JAKMIP1: variants seen among roughly 807,000 people sequenced by gnomAD.
The protein encoded by JAKMIP1 is janus kinase and microtubule interacting protein 1.
In JAKMIP1, 33 loss-of-function variants were observed where a neutral mutation model predicts 113.0. That is an observed-to-expected ratio of 0.29 (90% CI 0.22 to 0.39). The LOEUF (loss-of-function observed/expected upper bound fraction) is 0.39. Among genes scored for constraint, JAKMIP1 ranks in the 10% least tolerant of loss-of-function variants. JAKMIP1 has a pLI of 1.00. For missense variants in JAKMIP1, 813 were observed against 1,080.5 expected (o/e 0.75, Z 3.47); for synonymous variants, 480 against 459.9 (o/e 1.04, Z -0.56).
chr4:6,054,335 G>A (rs1716054197), intron 12 of JAKMIP1, among the ~76,000 whole-genome samples, 187 bp from the exon 13 acceptor site: 3 of 152,158 alleles, frequency 2.0e-5, no homozygotes, highest in Admixed American at 1.3e-4. Context: ...TTGCTGATGC[G>A]GCTGGAAATG....
chr4:6,157,858 AT>A lies in JAKMIP1; in HGVS notation c.-148+42394del, dbSNP rs1199563214. Among the ~76,000 whole-genome samples, 1 of 152,146 alleles carries A rather than the reference AT, an allele frequency of 6.6e-6. No homozygotes were observed. The highest frequency in any genetic ancestry group is 2.4e-5 in the African/African-American group (1 of 41,416). ...AATTAGATGCCAACACAGCTAACAGATTGTTGTCTATTTCCTTTCCTTGGGC... is the reference window on the plus strand; with the variant it reads ...AATTAGATGCCAACACAGCTAACAGATGTTGTCTATTTCCTTTCCTTGGGC... On this transcript the variant is annotated intron_variant, in intron 1 of 20. Transcript: ENST00000409021. This position sits in a 1 kb window ranked among gnomAD's most constrained non-coding sequence, Gnocchi z 4.7.
At chr4:6,195,468 C>G (rs1272650272) in intron 1 of JAKMIP1, among the ~76,000 whole-genome samples, 1 of 152,156 alleles carries the variant, frequency 6.6e-6, no homozygotes, top group Non-Finnish European at 1.5e-5. Context: ...AAAAAATGAT[C>G]AGGTGCTAGG....
chr4:6,104,425 C>G (rs1423827907), intron 3 of JAKMIP1, among the ~76,000 whole-genome samples: 1 of 152,168 alleles, frequency 6.6e-6, no homozygotes, highest in Non-Finnish European at 1.5e-5. Context: ...TAAGAACTGT[C>G]CTTTTGTGTC....
At chr4:6,091,568 C>T (rs1394191704) in intron 3 of JAKMIP1, among the ~76,000 whole-genome samples, 2 of 152,176 alleles carry the variant, frequency 1.3e-5, no homozygotes, top group East Asian at 1.9e-4. Context: ...GTCCCAGGGT[C>T]ACATGGCAAA....
chr4:6,139,770 T>TATAAA lies in JAKMIP1; in HGVS notation c.-147-26778_-147-26774dup, dbSNP rs74997830. Among the ~76,000 whole-genome samples, 2,068 of 147,994 alleles carry TATAAA rather than the reference T, an allele frequency of 0.014. 18 individuals are homozygous for TATAAA. The highest frequency in any genetic ancestry group is 0.029 in the East Asian group (142 of 4,968). On this transcript the variant is annotated intron_variant, in intron 1 of 20. Transcript: ENST00000409021. This position sits in a 1 kb window ranked among gnomAD's most constrained non-coding sequence, Gnocchi z 5.2. Reference sequence around the variant, plus strand: ...GACAGAGTGAGACTCCATCTCAAAATATAAAATAAAATAAAATAAAATAAA... The same window carrying TATAAA: ...GACAGAGTGAGACTCCATCTCAAAATATAAAATAAAATAAAATAAAATAAAATAAA...
rs112437815 is a variant in JAKMIP1 at position 6,140,446 on chromosome 4, A to G, written c.-147-27449T>C. On this transcript the variant is annotated intron_variant, in intron 1 of 20. Coordinates refer to ENST00000409021, the MANE Select transcript of JAKMIP1 (RefSeq NM_001099433.2). This position sits in a 1 kb window ranked among gnomAD's most constrained non-coding sequence, Gnocchi z 9.4. ...AGACCCACCCCAGGAGTGTGTGCTC[A>G]GGTCCTGCTTCATCAACACTGGGGG... is the stretch of plus-strand genomic sequence containing the variant. Among the ~76,000 whole-genome samples the G allele has an allele frequency of 5.3e-5, 8 of 152,142 alleles. No homozygotes were observed. Among genetic ancestry groups the G allele is most frequent in the African/African-American group, 1.9e-4 (8 of 41,452 alleles).
chr4:6,083,347 G>A (rs943136411), intron 5 of JAKMIP1, among the ~76,000 whole-genome samples: 2 of 149,596 alleles, frequency 1.3e-5, no homozygotes, highest in Non-Finnish European at 2.9e-5. Flanking sequence ...AGGTTGCAGT[G>A]AGCTGAGATC....
At chr4:6,165,455 C>A (rs540500717) in intron 1 of JAKMIP1, among the ~76,000 whole-genome samples, 1 of 152,252 alleles carries the variant, frequency 6.6e-6, no homozygotes, top group Non-Finnish European at 1.5e-5. Context: ...TAGGTGCACA[C>A]CACCACACCT....
intron 1 of JAKMIP1, among the ~76,000 whole-genome samples, chr4:6,124,620 C>T (rs541000593): frequency 4.6e-5 from 7 of 152,354 alleles, no homozygotes; most frequent in African/African-American, 9.6e-5. Flanking sequence ...CCCTCCCCAC[C>T]GTTCCCTGCT....
At chr4:6,079,877 A>G (rs1720252663) in intron 7 of JAKMIP1, among the ~76,000 whole-genome samples, 1 of 152,232 alleles carries the variant, frequency 6.6e-6, no homozygotes, top group Non-Finnish European at 1.5e-5. Context: ...GCCAAAAGAC[A>G]TCCTTAAAAC....
chr4:6,042,110 T>C lies in JAKMIP1; in HGVS notation c.2097+49A>G, dbSNP rs778223121. On this transcript the variant is annotated intron_variant, in intron 17 of 20. Transcript: ENST00000409021. This position sits in a 1 kb window ranked among gnomAD's most constrained non-coding sequence, Gnocchi z 5.2. ...AAGCCTTCCTGCAAATCAACCTCTC[T>C]GAGCTCTTTGAACCCTCTCCCCCAC... is the stretch of plus-strand genomic sequence containing the variant. The C allele has an allele frequency of 7.0e-7, 1 of 1,436,890 alleles. No individual in the cohort carries two copies. The highest frequency in any genetic ancestry group is 9.8e-7 in the Non-Finnish European group (1 of 1,019,538). 89.0% of individuals were successfully genotyped at this position (1,436,890 alleles called of 1,614,324 possible). A position where few individuals can be genotyped will look rare whatever the true frequency, so the allele number is the denominator to read the frequency against.
intron 8 of JAKMIP1, among the ~76,000 whole-genome samples, chr4:6,068,827 C>T (rs1378133982): frequency 5.3e-5 from 8 of 152,154 alleles, no homozygotes; most frequent in Admixed American, 1.3e-4. Flanking sequence ...ACCTCGACCT[C>T]CCAAAGTGAT....
chr4:6,026,927 T>G (rs1411045145), intron 20 of JAKMIP1, among the ~76,000 whole-genome samples: 39 of 151,282 alleles, frequency 2.6e-4, no homozygotes, highest in African/African-American at 9.2e-4. Context: ...AATTTATGTG[T>G]GGCCCAAGAC....
rs962129468 is a variant in JAKMIP1 at position 6,181,778 on chromosome 4, G to T, written c.-148+18475C>A. On this transcript the variant is annotated intron_variant, in intron 1 of 20. Transcript: ENST00000409021. The surrounding 1 kb of genome is among the most constrained non-coding windows in gnomAD (Gnocchi z 5.4). ...AGACCCTGTGCTGAGCCTCAAACATGAATCTCACACAGCCCCTTCCCTCAC... is the reference window on the plus strand; with the variant it reads ...AGACCCTGTGCTGAGCCTCAAACATTAATCTCACACAGCCCCTTCCCTCAC... Among the ~76,000 whole-genome samples the T allele has an allele frequency of 1.3e-5, 2 of 152,180 alleles. No homozygotes were observed. Among genetic ancestry groups the T allele is most frequent in the African/African-American group, 4.8e-5 (2 of 41,440 alleles).
chr4:6,028,373 C>CAG (rs1712138491), intron 20 of JAKMIP1, among the ~76,000 whole-genome samples: 1 of 152,242 alleles, frequency 6.6e-6, no homozygotes, highest in Non-Finnish European at 1.5e-5. Context: ...CCCCTGCGCA[C>CAG]AGATCCTCGG....
intron 3 of JAKMIP1, among the ~76,000 whole-genome samples, chr4:6,104,285 G>C (rs562168991): frequency 6.6e-6 from 1 of 152,322 alleles, no homozygotes; most frequent in African/African-American, 2.4e-5. Context: ...TTTGCTGAGA[G>C]AAGCGTGTTC....
chr4:6,126,951 C>T (rs1717762247), intron 1 of JAKMIP1, among the ~76,000 whole-genome samples: 1 of 151,384 alleles, frequency 6.6e-6, no homozygotes, highest in Non-Finnish European at 1.5e-5. Context: ...AACATACTCC[C>T]ATACAACACA....
At position 6,044,326 on chromosome 4, in the gene JAKMIP1, G is replaced by A. The variant is rs1714719212; in HGVS notation, c.2029-2099C>T. ...TAATAAACTTCTGTCGAATGAAGGA[G>A]AATCAAGGCTGTGCAGGTTGGTGGG... On this transcript the variant is annotated intron_variant, in intron 16 of 20. Transcript: ENST00000409021. The surrounding 1 kb of genome is among the most constrained non-coding windows in gnomAD (Gnocchi z 4.4). Among the ~76,000 whole-genome samples the A allele has an allele frequency of 6.6e-6, 1 of 152,154 alleles. No homozygotes were observed. Among genetic ancestry groups the A allele is most frequent in the Admixed American group, 6.5e-5 (1 of 15,292 alleles).
At chr4:6,082,226 C>T (rs1210239228) in intron 5 of JAKMIP1, among the ~76,000 whole-genome samples, 1 of 151,920 alleles carries the variant, frequency 6.6e-6, no homozygotes, top group Non-Finnish European at 1.5e-5. Flanking sequence ...GGTTTGAGTT[C>T]ACCAAGATTC....
Sources: gnomAD v4.1 joint callset for allele counts (sites outside exome capture counted in the v4.1 genomes callset) on GRCh38, gnomAD v4.1.1 for gene constraint, Gnocchi (gnomAD v3.1) non-coding constraint, MANE v1.5 for transcripts, NCBI Gene and HGNC (gene_info 2026-07-23, HGNC 2026-07-21) for gene names.